Variants in TMEM26 observed in about 807,000 individuals in gnomAD.
TMEM26 encodes transmembrane protein 26.
A neutral mutation model predicts 28.8 loss-of-function variants in TMEM26; 38 were observed. The observed-to-expected ratio is 1.32, with a 90% CI of 1.02 to 1.73. The LOEUF (loss-of-function observed/expected upper bound fraction) is 1.73. TMEM26 is among the 40% of genes most tolerant of loss of function. The pLI is 0.00. For synonymous variants in TMEM26, 227 were observed against 182.9 expected (o/e 1.24, Z -1.95); for missense variants, 518 against 447.1 (o/e 1.16, Z -1.43).
chr10:61,436,587 T>G (rs1840012572), intron 1 of TMEM26, among the ~76,000 whole-genome samples: 2 of 152,310 alleles, frequency 1.3e-5, no homozygotes, highest in South Asian at 4.2e-4. Flanking sequence ...TTTAATATGT[T>G]TTACGAAAAG....
chr10:61,421,364 T>C (rs1839744229), intron 4 of TMEM26, among the ~76,000 whole-genome samples: 1 of 151,822 alleles, frequency 6.6e-6, no homozygotes, highest in Non-Finnish European at 1.5e-5. Context: ...TCTAACCATA[T>C]CAATAATTAC....
At chr10:61,442,911 A>C (rs1840117497) in intron 1 of TMEM26, among the ~76,000 whole-genome samples, 1 of 152,126 alleles carries the variant, frequency 6.6e-6, no homozygotes, top group East Asian at 1.9e-4. Flanking sequence ...ACCTCTCTTC[A>C]ACTCCTCAAC....
intron 4 of TMEM26, among the ~76,000 whole-genome samples, chr10:61,418,990 A>T (rs1839699326): frequency 6.6e-6 from 1 of 152,154 alleles, no homozygotes; most frequent in Admixed American, 6.6e-5. Flanking sequence ...ATTTGATTCC[A>T]ATCTGCCCAA....
chr10:61,445,613 A>G (rs867636895), intron 1 of TMEM26, among the ~76,000 whole-genome samples: 7 of 152,280 alleles, frequency 4.6e-5, no homozygotes, highest in African/African-American at 1.7e-4. Context: ...CAAGCCTTAT[A>G]TTCTTAATAT....
intron 4 of TMEM26, chr10:61,413,833 G>A: frequency 9.7e-7 from 1 of 1,031,494 alleles, no homozygotes; most frequent in Non-Finnish European, 1.2e-6. Flanking sequence ...GGAGAAAAAT[G>A]ATAGGGGAGA....
At chr10:61,435,509 T>C (rs1371283309) in intron 2 of TMEM26, among the ~76,000 whole-genome samples, 5 of 152,190 alleles carry the variant, frequency 3.3e-5, no homozygotes, top group Non-Finnish European at 7.3e-5. Flanking sequence ...TATGACAATG[T>C]GATCTTCTAA....
At chr10:61,450,632 G>C (rs1417210753) in intron 1 of TMEM26, among the ~76,000 whole-genome samples, 1 of 151,272 alleles carries the variant, frequency 6.6e-6, no homozygotes, top group Non-Finnish European at 1.5e-5. Flanking sequence ...TTTATACTAA[G>C]TCAAATCAAT....
chr10:61,420,723 TA>T (rs200958809), intron 4 of TMEM26, among the ~76,000 whole-genome samples: 293 of 142,320 alleles, frequency 2.1e-3, no homozygotes, highest in Middle Eastern at 3.6e-3. Flanking sequence ...ATTTCCAGAT[TA>T]AAAAAAAAAA....
At chr10:61,428,373 G>C (rs1055585823) in intron 4 of TMEM26, among the ~76,000 whole-genome samples, 1 of 151,984 alleles carries the variant, frequency 6.6e-6, no homozygotes, top group African/African-American at 2.4e-5. Context: ...AAAGCCTGTG[G>C]GCACTTTGAA....
intron 4 of TMEM26, 45 bp from the exon 5 acceptor site, chr10:61,413,580 C>T (rs1309929935): frequency 3.2e-6 from 5 of 1,554,034 alleles, no homozygotes; most frequent in Non-Finnish European, 4.3e-6. Flanking sequence ...AAAGTATGAT[C>T]ACATGCAGAA....
chr10:61,445,122 G>T (rs977808131), intron 1 of TMEM26, among the ~76,000 whole-genome samples: 4 of 152,198 alleles, frequency 2.6e-5, no homozygotes, highest in African/African-American at 9.7e-5. Flanking sequence ...TGAGATAAGG[G>T]AAAGAAAGCA....
intron 4 of TMEM26, among the ~76,000 whole-genome samples, chr10:61,417,950 A>C (rs958482557): frequency 6.6e-6 from 1 of 152,060 alleles, no homozygotes; most frequent in Non-Finnish European, 1.5e-5. Flanking sequence ...AAATCAACCA[A>C]AGTCAAACAA....
chr10:61,421,070 G>A (rs908606646), intron 4 of TMEM26, among the ~76,000 whole-genome samples: 15 of 151,868 alleles, frequency 9.9e-5, no homozygotes, highest in African/African-American at 3.4e-4. Context: ...GAGCAAGTGG[G>A]GCAACAGTGC....
chr10:61,450,085 A>C (rs1001199622), intron 1 of TMEM26, among the ~76,000 whole-genome samples: 1 of 152,142 alleles, frequency 6.6e-6, no homozygotes, highest in Admixed American at 6.5e-5. Flanking sequence ...CTTTCCACAA[A>C]CAAGATGGAT....
chr10:61,438,143 AAT>A (rs1213632539), intron 1 of TMEM26, among the ~76,000 whole-genome samples: 1 of 152,196 alleles, frequency 6.6e-6, no homozygotes, highest in African/African-American at 2.4e-5. Context: ...TTAAAAAATC[AAT>A]ATTTAATATA....
chr10:61,428,499 C>T (rs954585816), intron 4 of TMEM26, among the ~76,000 whole-genome samples: 2 of 152,060 alleles, frequency 1.3e-5, no homozygotes, highest in Admixed American at 6.6e-5. Flanking sequence ...CATGTCTTCT[C>T]TCAGTGCTCT....
At position 61,410,540 on chromosome 10, in the gene TMEM26, C is replaced by T. The variant is rs1157260388; in HGVS notation, c.889G>A (p.Val297Met). The stretch of plus-strand genomic sequence containing the variant: ...ACCAAGCGGTAGAGTTGCAACACCA[C>T]CACGAGGAAGTTCTTCGCGGCAAAG... ...VFFAAKNFLV[V>M]VLQLYRLVVL... Residue 297 changes from valine to methionine, a missense_variant, in exon 6 of 6, where the codon GTG (valine) becomes ATG (methionine). Physicochemically the swap from Val to Met is conservative, Grantham distance 21. Coordinates refer to ENST00000399298, the MANE Select transcript of TMEM26 (RefSeq NM_178505.8). 6.2e-7 allele frequency: 1 copy of T among 1,614,150 alleles called. No individual in the cohort carries two copies. Among genetic ancestry groups the T allele is most frequent in the East Asian group, 2.2e-5 (1 of 44,864 alleles).
chr10:61,418,084 T>C (rs924571559), intron 4 of TMEM26, among the ~76,000 whole-genome samples: 5 of 152,024 alleles, frequency 3.3e-5, no homozygotes, highest in Non-Finnish European at 7.4e-5. Context: ...TTTTTTTTAA[T>C]TGTACTGAAT....
chr10:61,413,445 A>C lies in TMEM26; in HGVS notation c.682+14T>G. The C allele has an allele frequency of 6.2e-7, 1 of 1,609,430 alleles. No individual in the cohort carries two copies. Among genetic ancestry groups the C allele is most frequent in the Non-Finnish European group, 8.5e-7 (1 of 1,178,324 alleles). The stretch of plus-strand genomic sequence containing the variant: ...TAATTTTCTATTTCTTTGCACAAAC[A>C]TCAGGATACTTACCTGCCAGGTCAA... On this transcript the variant is annotated intron_variant, in intron 5 of 5. Coordinates refer to ENST00000399298, the MANE Select transcript of TMEM26 (RefSeq NM_178505.8).
Sources: gnomAD v4.1 joint callset for allele counts (sites outside exome capture counted in the v4.1 genomes callset) on GRCh38, gnomAD v4.1.1 for gene constraint, MANE v1.5 for transcripts, NCBI Gene and HGNC (gene_info 2026-07-23, HGNC 2026-07-21) for gene names.